NRCAM: variants seen among roughly 807,000 people sequenced by gnomAD.
The protein encoded by NRCAM is neuronal cell adhesion molecule, also known as NgCAM-related cell adhesion molecule.
In NRCAM, 83 loss-of-function variants were observed where a neutral mutation model predicts 156.5. The observed-to-expected ratio is 0.53, with a 90% CI of 0.44 to 0.64. The LOEUF is 0.64. Ranked by LOEUF, NRCAM falls within the 30% of genes least tolerant of loss-of-function variation. The pLI, the probability that NRCAM is intolerant of heterozygous loss-of-function variation, is 0.00. For missense variants in NRCAM, 1,417 were observed against 1,597.3 expected, an observed-to-expected ratio of 0.89 and a Z score of 1.92; for synonymous variants, 538 against 563.9, an observed-to-expected ratio of 0.95 and a Z score of 0.65.
rs1331415608 is a variant in NRCAM at position 108,437,286 on chromosome 7, G to A, written c.-332+18957C>T. On this transcript the variant is annotated intron_variant, in intron 1 of 32. Transcript: ENST00000379028. ...CAGAGGCTAGGAAGAGTGGGAAGTG[G>A]GGGAAATGGGTAGGGGAGAGGTGGA... Among the ~76,000 whole-genome samples, 3 of 152,216 alleles carry A rather than the reference G, an allele frequency of 2.0e-5. No individual in the cohort carries two copies. In the East Asian group the frequency reaches 5.8e-4, roughly 29 times the overall value.
intron 2 of NRCAM, among the ~76,000 whole-genome samples, chr7:108,394,282 T>C (rs1251449136): frequency 6.6e-6 from 1 of 152,190 alleles, no homozygotes; most frequent in African/African-American, 2.4e-5. Flanking sequence ...GGGCAGGGGA[T>C]CTGAGTGGCA....
intron 11 of NRCAM, among the ~76,000 whole-genome samples, chr7:108,216,423 G>T (rs1345862074): frequency 6.6e-6 from 1 of 152,082 alleles, no homozygotes; most frequent in African/African-American, 2.4e-5. Context: ...TATCTTTGTG[G>T]TGTTCTCTGT....
chr7:108,156,403 T>C, intron 32 of NRCAM: 1 of 984,656 alleles, frequency 1.0e-6, no homozygotes, highest in Non-Finnish European at 1.2e-6. Context: ...GGTTGCATTG[T>C]TTCTCTGATT....
intron 11 of NRCAM, among the ~76,000 whole-genome samples, chr7:108,212,284 C>A (rs2085009673): frequency 6.6e-6 from 1 of 152,090 alleles, no homozygotes; most frequent in African/African-American, 2.4e-5. Context: ...CAGAATCTAC[C>A]CAAATGAGAA....
intron 2 of NRCAM, among the ~76,000 whole-genome samples, chr7:108,393,601 G>C (rs1205318372): frequency 6.6e-6 from 1 of 152,054 alleles, no homozygotes; most frequent in African/African-American, 2.4e-5. Context: ...CTGCACCCCT[G>C]TCCGACAAGC....
At chr7:108,167,518 T>C (rs757395131) in intron 29 of NRCAM, among the ~76,000 whole-genome samples, 3 of 152,218 alleles carry the variant, frequency 2.0e-5, no homozygotes, top group Non-Finnish European at 4.4e-5. Context: ...ACGTATCCAA[T>C]TAATCGATTC....
intron 13 of NRCAM, among the ~76,000 whole-genome samples, chr7:108,202,617 G>A (rs1379550751): frequency 6.6e-6 from 1 of 152,188 alleles, no homozygotes; most frequent in East Asian, 1.9e-4. Flanking sequence ...ATCCCTACAA[G>A]AGGATGCCAC....
chr7:108,256,490 A>G, intron 3 of NRCAM, among the ~76,000 whole-genome samples: 5 of 150,440 alleles, frequency 3.3e-5, no homozygotes, highest in African/African-American at 1.2e-4. Context: ...ACACTGCGGA[A>G]GGCCGCAGGG....
intron 28 of NRCAM, among the ~76,000 whole-genome samples, chr7:108,172,737 A>G (rs1487659867): frequency 2.6e-5 from 4 of 152,232 alleles, no homozygotes; most frequent in African/African-American, 9.6e-5. Flanking sequence ...CTTGAGGAGA[A>G]TGGTAAGAAG....
intron 2 of NRCAM, among the ~76,000 whole-genome samples, chr7:108,395,851 A>T (rs2099775335): frequency 6.6e-6 from 1 of 152,208 alleles, no homozygotes; most frequent in South Asian, 2.1e-4. Context: ...GATAGTTCAG[A>T]AGAAGACCAC....
intron 3 of NRCAM, among the ~76,000 whole-genome samples, chr7:108,296,481 T>A (rs2098456564): frequency 6.6e-6 from 1 of 152,072 alleles, no homozygotes; most frequent in Non-Finnish European, 1.5e-5. Context: ...ATGTCTGATA[T>A]GTGACTGAAG....
chr7:108,300,652 CATCAGGCAA>C (rs2098589104), intron 3 of NRCAM, among the ~76,000 whole-genome samples: 1 of 152,164 alleles, frequency 6.6e-6, no homozygotes, highest in Non-Finnish European at 1.5e-5. Context: ...ATGATAAAGG[CATCAGGCAA>C]AATTTGTATC....
intron 2 of NRCAM, among the ~76,000 whole-genome samples, chr7:108,389,154 T>C (rs1384999140): frequency 6.6e-6 from 1 of 152,232 alleles, no homozygotes; most frequent in Non-Finnish European, 1.5e-5. Flanking sequence ...TTGGGCAGTA[T>C]GGCCATTTTC....
intron 2 of NRCAM, among the ~76,000 whole-genome samples, chr7:108,313,010 A>G (rs561455892): frequency 1.3e-5 from 2 of 152,342 alleles, no homozygotes; most frequent in African/African-American, 4.8e-5. Context: ...AGTTTAGAGG[A>G]ATAAAGGTGT....
chr7:108,454,105 G>A (rs187878194), intron 1 of NRCAM, among the ~76,000 whole-genome samples: 4 of 152,324 alleles, frequency 2.6e-5, no homozygotes, highest in Admixed American at 2.6e-4. Flanking sequence ...ACTGTAATGG[G>A]TTGGATTGTG....
Position 108,416,785 on chromosome 7 carries a change from C to T in NRCAM, c.-331-17192G>A, listed in dbSNP as rs542015231. On this transcript the variant is annotated intron_variant, in intron 1 of 32. Transcript: ENST00000379028. The stretch of plus-strand genomic sequence containing the variant: ...TTCCATCACTGCAGAGCAGTTCACA[C>T]ATCCTGTTAATTACTATTGCCATTC... 5.3e-5 allele frequency among the ~76,000 whole-genome samples: 8 copies of T among 152,318 alleles called. 1 individual carries two copies. The East Asian group carries it at 1.2e-3, about 22-fold the overall frequency.
chr7:108,421,951 T>C (rs1425384198), intron 1 of NRCAM, among the ~76,000 whole-genome samples: 1 of 152,184 alleles, frequency 6.6e-6, no homozygotes, highest in Non-Finnish European at 1.5e-5. Flanking sequence ...AGCAACCTTT[T>C]CCACTAAAAC....
At position 108,330,732 on chromosome 7, in the gene NRCAM, CT is replaced by C. The variant is rs1456097866; in HGVS notation, c.-173-18002del. 2.1e-3 allele frequency among the ~76,000 whole-genome samples: 324 copies of C among 152,316 alleles called. 4 individuals carry two copies. Among genetic ancestry groups the C allele is most frequent in the East Asian group, 1.7e-3 (9 of 5,182 alleles). ...TGTCTTGACCTGACAGCAATCACTCCTTTCACAAAAGCAGCTCTGTCTTCCA... is the reference window on the plus strand; with the variant it reads ...TGTCTTGACCTGACAGCAATCACTCCTTCACAAAAGCAGCTCTGTCTTCCA... On this transcript the variant is annotated intron_variant, in intron 2 of 32. Coordinates refer to ENST00000379028, the MANE Select transcript of NRCAM (RefSeq NM_001037132.4).
chr7:108,290,850 C>T (rs1036214406), intron 3 of NRCAM, among the ~76,000 whole-genome samples: 1 of 152,128 alleles, frequency 6.6e-6, no homozygotes, highest in African/African-American at 2.4e-5. Context: ...GTCATCAACT[C>T]GCTACTGTAG....
Sources: gnomAD v4.1 joint callset for allele counts (sites outside exome capture counted in the v4.1 genomes callset) on GRCh38, gnomAD v4.1.1 for gene constraint, MANE v1.5 for transcripts, NCBI Gene and HGNC (gene_info 2026-07-23, HGNC 2026-07-21) for gene names.